The following NPW variants were observed in gnomAD, a reference collection of about 807,000 sequenced individuals.
The protein encoded by NPW is neuropeptide W.
Under a neutral mutation model 9.9 loss-of-function variants are expected in NPW, and 8 were observed. The observed-to-expected ratio is 0.81, with a 90% CI of 0.47 to 1.46. The LOEUF is 1.46. Among genes scored for constraint, NPW ranks in the 40% most tolerant of loss-of-function variants. NPW has a pLI of 0.00. For synonymous variants in NPW, 134 were observed against 119.9 expected, an observed-to-expected ratio of 1.12 and a Z score of -0.77; for missense variants, 287 against 240.3, an observed-to-expected ratio of 1.19 and a Z score of -1.28.
chr16:2,019,967 T>C lies in NPW; in HGVS notation c.66T>C (p.Leu22=), dbSNP rs1159285697. Residue 22 remains leucine (L), a synonymous_variant, in exon 1 of 2, where the codon CTT becomes CTC. Coordinates refer to ENST00000566435, the MANE Select transcript of NPW (RefSeq NM_001099456.3). ...GGCCGCGGCTGGCACTGCTGCTGCTTCTGCTCCTGCTGCCGCTGCCCTCCG... is the reference window on the plus strand; with the variant it reads ...GGCCGCGGCTGGCACTGCTGCTGCTCCTGCTCCTGCTGCCGCTGCCCTCCG... 1.4e-6 allele frequency: 2 copies of C among 1,427,806 alleles called. No homozygotes were observed. Among genetic ancestry groups the C allele is most frequent in the African/African-American group, 1.5e-5 (1 of 67,380 alleles). 88.4% of individuals were successfully genotyped at this position (1,427,806 alleles called of 1,614,324 possible). A position where few individuals can be genotyped will look rare whatever the true frequency, so the allele number is the denominator to read the frequency against.
At position 2,020,309 on chromosome 16, in the gene NPW, C is replaced by T. The variant is rs1388655268; in HGVS notation, c.408C>T (p.Gly136=). The T allele has an allele frequency of 6.7e-7, 1 of 1,493,012 alleles. No individual in the cohort carries two copies. Among genetic ancestry groups the T allele is most frequent in the Non-Finnish European group, 8.9e-7 (1 of 1,119,146 alleles). The allele number at this position is 1,493,012 out of a possible 1,614,324, so 92.5% of individuals were successfully genotyped here. A position where few individuals can be genotyped will look rare whatever the true frequency, so the allele number is the denominator to read the frequency against. Residue 136 remains glycine (G), a synonymous_variant, in exon 1 of 2, where the codon GGC becomes GGT. Transcript: ENST00000566435. Reference sequence around the variant, plus strand: ...AGTCCCTGGACTTCAGCGGAGCTGGCCAGGTACGTGAGAGGGGAGAGGCCT... The same window carrying T: ...AGTCCCTGGACTTCAGCGGAGCTGGTCAGGTACGTGAGAGGGGAGAGGCCT...
At position 2,020,046 on chromosome 16, in the gene NPW, G is replaced by C; in HGVS notation, c.145G>C (p.Ala49Pro). The change falls in exon 1 of 2, where the codon GCT becomes CCT. Residue 49 changes from alanine (A) to proline (P), a missense_variant. By Grantham distance (27) the Ala-to-Pro change is conservative (BLOSUM62 -1). Coordinates refer to ENST00000566435, the MANE Select transcript of NPW (RefSeq NM_001099456.3). The stretch of plus-strand genomic sequence containing the variant: ...CCGCTACCACACGGTGGGCCGCGCC[G>C]CTGGCCTGCTCATGGGGCTGCGTCG... 1.3e-6 allele frequency: 2 copies of C among 1,504,484 alleles called. No homozygotes were observed. The highest frequency in any genetic ancestry group is 1.4e-5 in the African/African-American group (1 of 69,228). The allele number at this position is 1,504,484 out of a possible 1,614,324, so 93.2% of individuals were successfully genotyped here. A position where few individuals can be genotyped will look rare whatever the true frequency, so the allele number is the denominator to read the frequency against.
chr16:2,020,240 T>C lies in NPW; in HGVS notation c.339T>C (p.Arg113=). The change falls in exon 1 of 2, where the codon CGT becomes CGC. Residue 113 remains arginine (R), a synonymous_variant. Coordinates refer to ENST00000566435, the MANE Select transcript of NPW (RefSeq NM_001099456.3). ...GCTCCCAGGCAGGGATCCCCGTCCG[T>C]GCGCCCCGGAGCCCGCGCGCCCCAG... 6.4e-7 allele frequency: 1 copy of C among 1,570,024 alleles called. No homozygotes were observed. Among genetic ancestry groups the C allele is most frequent in the Non-Finnish European group, 8.6e-7 (1 of 1,161,394 alleles).
Position 2,020,516 on chromosome 16 carries a change from T to C in NPW, c.412-17T>C. On this transcript the variant is annotated splice_polypyrimidine_tract_variant and intron_variant, in intron 1 of 1. Transcript: ENST00000566435. ...GGCCACAGCCTCCTCCCCACGGCCT[T>C]GCTGTGTTCTCGTTAGAGACTTCGG... 6.3e-7 allele frequency: 1 copy of C among 1,580,688 alleles called. No individual in the cohort carries two copies. The highest frequency in any genetic ancestry group is 1.1e-5 in the South Asian group (1 of 90,368).
At position 2,020,464 on chromosome 16, in the gene NPW, C is replaced by G. The variant is rs535255816; in HGVS notation, c.412-69C>G. On this transcript the variant is annotated intron_variant, in intron 1 of 1. Coordinates refer to ENST00000566435, the MANE Select transcript of NPW (RefSeq NM_001099456.3). ...AGAGCTTTCCCTGGGCAGGCTCGACCCTGGCACCCGGGGGCGGTGGTTGGA... is the reference window on the plus strand; with the variant it reads ...AGAGCTTTCCCTGGGCAGGCTCGACGCTGGCACCCGGGGGCGGTGGTTGGA... The G allele has an allele frequency of 4.9e-5, 68 of 1,377,596 alleles. No individual in the cohort carries two copies. In the African/African-American group the frequency reaches 7.2e-4, roughly 15 times the overall value. The allele number at this position is 1,377,596 out of a possible 1,614,324, so 85.3% of individuals were successfully genotyped here.
rs746806010 is a variant in NPW, at chr16:2,019,941, C to G, written c.40C>G (p.Arg14Gly). The change falls in exon 1 of 2, where the codon CGG (arginine) becomes GGG (glycine). Residue 14 changes from arginine (R) to glycine (G), a missense_variant. Coordinates refer to ENST00000566435, the MANE Select transcript of NPW (RefSeq NM_001099456.3). ...AGGGGAGCGGGGGGCTCCCGCGAGC[C>G]GGCCGCGGCTGGCACTGCTGCTGCT... 1.5e-6 allele frequency: 2 copies of G among 1,346,538 alleles called. No individual in the cohort carries two copies. The highest frequency in any genetic ancestry group is 3.7e-5 in the South Asian group (2 of 54,324). 83.4% of individuals were successfully genotyped at this position (1,346,538 alleles called of 1,614,324 possible).
chr16:2,020,351 G>A, intron 1 of NPW, 39 bp downstream of exon 1: 3 of 1,436,726 alleles, frequency 2.1e-6, no homozygotes, highest in Admixed American at 2.4e-5. Context: ...CCGCGGGCAA[G>A]GGGGTCTCGG....
Position 2,020,186 on chromosome 16 carries a change from T to G in NPW, c.285T>G (p.Val95=), listed in dbSNP as rs1255896406. The G allele has an allele frequency of 1.3e-6, 2 of 1,598,140 alleles. No individual in the cohort carries two copies. Among genetic ancestry groups the G allele is most frequent in the Non-Finnish European group, 8.5e-7 (1 of 1,175,856 alleles). The change falls in exon 1 of 2, where the codon GTT becomes GTG. Residue 95 remains valine, a synonymous_variant. Transcript: ENST00000566435. ...CTCCTCTCCTGCTGCCCTCGTGGGT[T>G]CAGGAGCTGTGGGAGACGCGACGCA...
intron 1 of NPW, 43 bp downstream of exon 1, chr16:2,020,355 G>C: frequency 1.4e-6 from 2 of 1,425,326 alleles, no homozygotes; most frequent in Non-Finnish European, 1.9e-6. Flanking sequence ...GGGCAAGGGG[G>C]TCTCGGGAGG....
rs754265298 is a variant in NPW, at chr16:2,020,527, C to T, written c.412-6C>T. On this transcript the variant is annotated splice_region_variant and splice_polypyrimidine_tract_variant and intron_variant, in intron 1 of 1. Transcript: ENST00000566435. ...CCTCCCCACGGCCTTGCTGTGTTCT[C>T]GTTAGAGACTTCGGAGAGACGTCTC... is the stretch of plus-strand genomic sequence containing the variant. The T allele has an allele frequency of 2.5e-6, 4 of 1,601,100 alleles. No homozygotes were observed. Among genetic ancestry groups the T allele is most frequent in the Non-Finnish European group, 3.4e-6 (4 of 1,170,198 alleles).
chr16:2,020,425 G>C, intron 1 of NPW, 108 bp from the exon 2 acceptor site: 1 of 1,297,758 alleles, frequency 7.7e-7, no homozygotes, highest in Non-Finnish European at 1.1e-6. Flanking sequence ...TCCATTCCCT[G>C]CTCCGCGCCC....
In NPW at chr16:2,020,669, T is replaced by C. The variant is rs2083834151; in HGVS notation, c.*50T>C. 1 of 1,218,724 alleles carries C rather than the reference T, an allele frequency of 8.2e-7. No individual in the cohort carries two copies. The highest frequency in any genetic ancestry group is 1.2e-6 in the Non-Finnish European group (1 of 858,274). 75.5% of individuals were successfully genotyped at this position (1,218,724 alleles called of 1,614,324 possible). ...GCCTCCGCGCCTGACCCAGGAGGAG[T>C]GGCCGCGCGCTTCCAGGAGCCGCTC... On this transcript the variant is annotated 3_prime_UTR_variant, in exon 2 of 2. Coordinates refer to ENST00000566435, the MANE Select transcript of NPW (RefSeq NM_001099456.3).
rs1243959763 is a variant in NPW at position 2,020,327 on chromosome 16, A to G, written c.411+15A>G. ...GAGCTGGCCAGGTACGTGAGAGGGG[A>G]GAGGCCTGGACCGCCGCGGGCAAGG... On this transcript the variant is annotated intron_variant, in intron 1 of 1. Transcript: ENST00000566435. 7.2e-7 allele frequency: 1 copy of G among 1,389,352 alleles called. No homozygotes were observed. Among genetic ancestry groups the G allele is most frequent in the Non-Finnish European group, 9.3e-7 (1 of 1,071,248 alleles). 86.1% of individuals were successfully genotyped at this position (1,389,352 alleles called of 1,614,324 possible).
chr16:2,020,503 C>T (rs889391858), intron 1 of NPW, 30 bp from the exon 2 acceptor site: 24 of 1,511,540 alleles, frequency 1.6e-5, no homozygotes, highest in Non-Finnish European at 2.2e-5. Flanking sequence ...CCACAGCCTC[C>T]TCCCCACGGC....
chr16:2,020,582 G>T lies in NPW; in HGVS notation c.461G>T (p.Arg154Leu), dbSNP rs763574522. Residue 154 changes from arginine to leucine, a missense_variant, in exon 2 of 2, where the codon CGC becomes CTC. Physicochemically the swap from Arg to Leu is moderately radical, Grantham distance 102. Coordinates refer to ENST00000566435, the MANE Select transcript of NPW (RefSeq NM_001099456.3). ...CCAGCGGTGGACCCCGCAGCAAACCGCCTTGGCCTGCCCTGCCTGGCCCCC... is the reference window on the plus strand; with the variant it reads ...CCAGCGGTGGACCCCGCAGCAAACCTCCTTGGCCTGCCCTGCCTGGCCCCC... The T allele has an allele frequency of 6.2e-7, 1 of 1,608,794 alleles. No homozygotes were observed. The highest frequency in any genetic ancestry group is 8.5e-7 in the Non-Finnish European group (1 of 1,177,510).
rs755730824 is a variant in NPW at position 2,020,156 on chromosome 16, C to T, written c.255C>T (p.Arg85=). 1.9e-6 allele frequency: 3 copies of T among 1,579,120 alleles called. No homozygotes were observed. Among genetic ancestry groups the T allele is most frequent in the African/African-American group, 2.7e-5 (2 of 72,864 alleles). ...CCCTCTCCCCCGAACCCGCAGCCCG[C>T]GAGGCTCCTCTCCTGCTGCCCTCGT... The change falls in exon 1 of 2, where the codon CGC becomes CGT. Residue 85 remains arginine (R), a synonymous_variant. Transcript: ENST00000566435.
At chr16:2,020,473 C>A in intron 1 of NPW, 60 bp from the exon 2 acceptor site, 1 of 1,397,508 alleles carries the variant, frequency 7.2e-7, no homozygotes, top group Non-Finnish European at 1.0e-6. Flanking sequence ...CCCTGGCACC[C>A]GGGGGCGGTG....
chr16:2,020,095 C>A lies in NPW; in HGVS notation c.194C>A (p.Ala65Glu), dbSNP rs762917991. Residue 65 changes from alanine to glutamate, a missense_variant, in exon 1 of 2, where the codon GCG becomes GAG. Physicochemically the swap from Ala to Glu is moderately radical, Grantham distance 107 (BLOSUM62 -1). Coordinates refer to ENST00000566435, the MANE Select transcript of NPW (RefSeq NM_001099456.3). ...CGCTCACCCTATCTGTGGCGCCGCG[C>A]GCTGCGCGCGGCCGCCGGGCCCCTG... The A allele has an allele frequency of 6.7e-7, 1 of 1,502,860 alleles. No homozygotes were observed. The highest frequency in any genetic ancestry group is 8.8e-7 in the Non-Finnish European group (1 of 1,135,778). 93.1% of individuals were successfully genotyped at this position (1,502,860 alleles called of 1,614,324 possible). A position where few individuals can be genotyped will look rare whatever the true frequency, so the allele number is the denominator to read the frequency against.
chr16:2,020,180 G>C lies in NPW; in HGVS notation c.279G>C (p.Ser93=), dbSNP rs781555009. ...GCGAGGCTCCTCTCCTGCTGCCCTC[G>C]TGGGTTCAGGAGCTGTGGGAGACGC... is the stretch of plus-strand genomic sequence containing the variant. The change falls in exon 1 of 2, where the codon TCG becomes TCC. Residue 93 remains serine (S), a synonymous_variant. Transcript: ENST00000566435. 3.8e-6 allele frequency: 6 copies of C among 1,594,334 alleles called. No individual in the cohort carries two copies. The highest frequency in any genetic ancestry group is 2.3e-5 in the East Asian group (1 of 44,394).
Sources: allele counts gnomAD v4.1 joint callset, GRCh38; gene constraint gnomAD v4.1.1; transcripts MANE v1.5; gene names NCBI Gene and HGNC (gene_info 2026-07-23, HGNC 2026-07-21).